The following MSRA variants were observed in gnomAD, a reference collection of about 807,000 sequenced individuals.
MSRA encodes the protein mitochondrial peptide methionine sulfoxide reductase.
In MSRA, 54 loss-of-function variants were observed where a neutral mutation model predicts 31.3. The ratio of observed to expected loss-of-function variants is 1.73; its 90% CI spans 1.39 to 2.17. The LOEUF is 2.17. Among genes scored for constraint, MSRA ranks in the 30% most tolerant of loss-of-function variants. The pLI, the probability that MSRA is intolerant of heterozygous loss-of-function variation, is 0.00. For missense variants in MSRA, 507 were observed against 300.9 expected, an observed-to-expected ratio of 1.69 and a Z score of -5.07; for synonymous variants, 169 against 116.5, an observed-to-expected ratio of 1.45 and a Z score of -2.90.
chr8:10,262,467 T>A (rs1798532898), intron 3 of MSRA, among the ~76,000 whole-genome samples: 1 of 152,240 alleles, frequency 6.6e-6, no homozygotes, highest in Admixed American at 6.5e-5. Flanking sequence ...AATTCTTTAA[T>A]GACATATGAT....
intron 1 of MSRA, among the ~76,000 whole-genome samples, chr8:10,182,583 T>C (rs1806638477): frequency 6.6e-6 from 1 of 152,214 alleles, no homozygotes; most frequent in African/African-American, 2.4e-5. Flanking sequence ...TTTTTATTTA[T>C]TGTGGGCACA....
intron 3 of MSRA, among the ~76,000 whole-genome samples, chr8:10,295,459 C>G (rs1214843346): frequency 1.3e-5 from 2 of 152,176 alleles, no homozygotes; most frequent in African/African-American, 4.8e-5. Flanking sequence ...GACTGCTGGC[C>G]CAGTGACCCT....
intron 4 of MSRA, 21 bp from the exon 5 acceptor site, chr8:10,319,862 C>A (rs770832728): frequency 6.8e-7 from 1 of 1,464,206 alleles, no homozygotes. Flanking sequence ...GGGTAACCCT[C>A]CCTGTTTTCT....
intron 1 of MSRA, among the ~76,000 whole-genome samples, chr8:10,057,222 G>GTT (rs1443469885): frequency 2.0e-5 from 3 of 152,148 alleles, no homozygotes; most frequent in Non-Finnish European, 4.4e-5. Context: ...CTGTGTTCAG[G>GTT]TTAGGGGGCA....
At chr8:10,109,326 ACTTTTCTTTT>A (rs555426760) in intron 1 of MSRA, among the ~76,000 whole-genome samples, 1 of 150,612 alleles carries the variant, frequency 6.6e-6, no homozygotes, top group Non-Finnish European at 1.5e-5. Context: ...TTCTTTTTTT[ACTTTTCTTTT>A]CTTTTCTTTT....
At chr8:10,057,371 T>A (rs1802434374) in intron 1 of MSRA, among the ~76,000 whole-genome samples, 2 of 152,186 alleles carry the variant, frequency 1.3e-5, no homozygotes, top group Admixed American at 1.3e-4. Context: ...GGGGAATTCA[T>A]ACTTGTTGAA....
chr8:10,402,130 C>G (rs771613028), intron 5 of MSRA, among the ~76,000 whole-genome samples: 2 of 152,192 alleles, frequency 1.3e-5, no homozygotes, highest in African/African-American at 4.8e-5. Context: ...CCTTAGCTCT[C>G]CTAGTGCATT....
chr8:10,348,444 A>G (rs1406995667), intron 5 of MSRA, among the ~76,000 whole-genome samples: 1 of 127,006 alleles, frequency 7.9e-6, no homozygotes, highest in Admixed American at 1.1e-4. Context: ...ATCTCGGCTC[A>G]CTGCAACCTC....
intron 1 of MSRA, among the ~76,000 whole-genome samples, chr8:10,132,270 C>A (rs1191911791): frequency 1.3e-5 from 2 of 152,188 alleles, no homozygotes; most frequent in African/African-American, 4.8e-5. Flanking sequence ...TTGACATTAG[C>A]AATGTTAGAT....
intron 3 of MSRA, among the ~76,000 whole-genome samples, chr8:10,258,706 C>T (rs756933517): frequency 4.6e-5 from 7 of 152,344 alleles, no homozygotes; most frequent in Admixed American, 6.5e-5. Flanking sequence ...CCTTCTCCCA[C>T]GTGGCAACTC....
At chr8:10,125,045 T>C (rs1801400782) in intron 1 of MSRA, among the ~76,000 whole-genome samples, 1 of 152,092 alleles carries the variant, frequency 6.6e-6, no homozygotes, top group South Asian at 2.1e-4. Flanking sequence ...TGTTCCATCT[T>C]CTTGATGAAA....
intron 1 of MSRA, among the ~76,000 whole-genome samples, chr8:10,147,601 G>A (rs1803257950): frequency 6.6e-6 from 1 of 152,224 alleles, no homozygotes; most frequent in African/African-American, 2.4e-5. Context: ...CATGAGAACA[G>A]GAGGCAGGGG....
intron 5 of MSRA, among the ~76,000 whole-genome samples, chr8:10,327,333 C>T (rs1218741683): frequency 6.6e-6 from 1 of 152,118 alleles, no homozygotes; most frequent in Non-Finnish European, 1.5e-5. Context: ...TTATCTTAAA[C>T]TTCAACTATC....
intron 5 of MSRA, among the ~76,000 whole-genome samples, chr8:10,424,067 C>G (rs1408626690): frequency 1.3e-5 from 2 of 152,188 alleles, no homozygotes; most frequent in East Asian, 3.9e-4. Flanking sequence ...CGATGCCACG[C>G]GAACATAGTA....
intron 5 of MSRA, among the ~76,000 whole-genome samples, chr8:10,377,705 G>A (rs1279475926): frequency 6.6e-6 from 1 of 152,210 alleles, no homozygotes; most frequent in African/African-American, 2.4e-5. Flanking sequence ...GCAGCTGCCC[G>A]ATTTCAGGCT....
intron 1 of MSRA, chr8:10,095,930 G>C: frequency 7.5e-7 from 1 of 1,336,860 alleles, no homozygotes; most frequent in Non-Finnish European, 9.7e-7. Flanking sequence ...AAGATGGCAA[G>C]GCAAATTTCT....
intron 3 of MSRA, among the ~76,000 whole-genome samples, chr8:10,271,909 A>G (rs1799063585): frequency 6.6e-6 from 1 of 152,188 alleles, no homozygotes; most frequent in East Asian, 1.9e-4. Flanking sequence ...GTAAAGACAG[A>G]GTTGGTCAGG....
intron 5 of MSRA, among the ~76,000 whole-genome samples, chr8:10,347,974 T>A (rs1780519744): frequency 6.6e-6 from 1 of 152,188 alleles, no homozygotes; most frequent in Admixed American, 6.5e-5. Context: ...CATTGAAACA[T>A]CCACCCTAGC....
intron 5 of MSRA, among the ~76,000 whole-genome samples, chr8:10,392,888 TGCAAA>T (rs1484208353): frequency 5.8e-3 from 49 of 8,406 alleles, no homozygotes; most frequent in African/African-American, 9.5e-3. Context: ...CTACTAAAAA[TGCAAA>T]AAAAAAAAAA....
Sources: allele counts gnomAD v4.1 joint callset (sites outside exome capture counted in the v4.1 genomes callset), GRCh38; gene constraint gnomAD v4.1.1; transcripts MANE v1.5; gene names NCBI Gene and HGNC (gene_info 2026-07-23, HGNC 2026-07-21).